Variants in DGKI observed in about 807,000 individuals in gnomAD.
The protein encoded by DGKI is diacylglycerol kinase iota, also known as DAG kinase iota.
A neutral mutation model predicts 147.5 loss-of-function variants in DGKI; 55 were observed. The ratio of observed to expected loss-of-function variants is 0.37; its 90% CI spans 0.30 to 0.47. The LOEUF (loss-of-function observed/expected upper bound fraction) is 0.47, where lower values mean the gene tolerates loss of function less well. Among genes scored for constraint, DGKI ranks in the 20% least tolerant of loss-of-function variants. The probability of loss-of-function intolerance (pLI) is 1.00; values close to 1 mark genes in which losing one functional copy is unlikely to be tolerated. For synonymous variants in DGKI, 469 were observed against 477.1 expected, an observed-to-expected ratio of 0.98 and a Z score of 0.22; for missense variants, 1,007 against 1,323.8, an observed-to-expected ratio of 0.76 and a Z score of 3.71.
chr7:137,408,222 C>T (rs1812033018), intron 29 of DGKI, among the ~76,000 whole-genome samples: 1 of 152,150 alleles, frequency 6.6e-6, no homozygotes, highest in Non-Finnish European at 1.5e-5. Context: ...ATTGAACAGG[C>T]TAGGGAAACT....
rs193140553 is a variant in DGKI at position 137,603,287 on chromosome 7, C to G, written c.1168-3382G>C. Among the ~76,000 whole-genome samples the G allele has an allele frequency of 4.6e-5, 7 of 152,270 alleles. No homozygotes were observed. The East Asian group carries it at 1.3e-3, about 29-fold the overall frequency. On this transcript the variant is annotated intron_variant, in intron 10 of 32. Transcript: ENST00000614521. The stretch of plus-strand genomic sequence containing the variant: ...TCGGTTCAAATAGCTCATCAATCTT[C>G]ATCAAAGCACCATAACTCTAGTGTA...
chr7:137,669,993 C>T (rs1175914680), intron 3 of DGKI, among the ~76,000 whole-genome samples: 1 of 152,114 alleles, frequency 6.6e-6, no homozygotes, highest in Non-Finnish European at 1.5e-5. Flanking sequence ...ATGGGTTCCA[C>T]AATCCTCCCA....
intron 28 of DGKI, among the ~76,000 whole-genome samples, chr7:137,430,812 A>G (rs73459154): frequency 0.015 from 2,316 of 152,220 alleles, 58 homozygotes; most frequent in African/African-American, 0.053. Flanking sequence ...TCCATTTGAT[A>G]ACAGGGACCT....
chr7:137,487,799 T>C (rs1815621082), intron 21 of DGKI, 110 bp from the exon 22 acceptor site: 1 of 929,378 alleles, frequency 1.1e-6, no homozygotes, highest in South Asian at 1.5e-5. Context: ...TTATGGGTTT[T>C]TTAGATATGT....
chr7:137,735,302 C>T (rs971164567), intron 1 of DGKI, among the ~76,000 whole-genome samples: 1 of 152,118 alleles, frequency 6.6e-6, no homozygotes, highest in Non-Finnish European at 1.5e-5. Flanking sequence ...TTTGCTTTTG[C>T]TTTACTAATC....
intron 2 of DGKI, among the ~76,000 whole-genome samples, chr7:137,686,316 G>C (rs1244193380): frequency 1.3e-5 from 2 of 152,130 alleles, no homozygotes; most frequent in African/African-American, 2.4e-5. Flanking sequence ...ACTGGGTAGA[G>C]CCCAGTGTCC....
At chr7:137,719,322 A>G (rs3800638) in intron 1 of DGKI, among the ~76,000 whole-genome samples, 23,486 of 151,906 alleles carry the variant, frequency 0.15, 2,763 homozygotes, top group African/African-American at 0.31. Context: ...TTTTTTAGGA[A>G]TATCTTTTAA....
At chr7:137,755,948 C>T (rs1272653720) in intron 1 of DGKI, among the ~76,000 whole-genome samples, 2 of 152,194 alleles carry the variant, frequency 1.3e-5, no homozygotes, top group Non-Finnish European at 2.9e-5. Flanking sequence ...CCAAGCATGT[C>T]CTTCAGCCTT....
chr7:137,516,308 T>A lies in DGKI; in HGVS notation c.2248+5558A>T, dbSNP rs191868643. 1.6e-3 allele frequency among the ~76,000 whole-genome samples: 248 copies of A among 152,212 alleles called. 1 individual carries two copies. Among genetic ancestry groups the A allele is most frequent in the Non-Finnish European group, 1.2e-3 (84 of 67,970 alleles). On this transcript the variant is annotated intron_variant, in intron 21 of 32. Transcript: ENST00000614521. ...TGTGTAATTTCTATAAAACTAAACA[T>A]TTATTATATTATAATCTGTTCTTAA...
At chr7:137,507,490 TA>T (rs371644465) in intron 21 of DGKI, among the ~76,000 whole-genome samples, 6 of 152,122 alleles carry the variant, frequency 3.9e-5, no homozygotes, top group African/African-American at 1.4e-4. Flanking sequence ...GCAACTCACT[TA>T]AAAAAAATCC....
At chr7:137,446,558 T>A (rs1813723323) in intron 27 of DGKI, among the ~76,000 whole-genome samples, 1 of 152,118 alleles carries the variant, frequency 6.6e-6, no homozygotes, top group African/African-American at 2.4e-5. Context: ...AAACCCCGTC[T>A]CTACTGAAAA....
intron 1 of DGKI, among the ~76,000 whole-genome samples, chr7:137,750,971 C>CAACTA (rs1563180848): frequency 2.0e-5 from 3 of 151,794 alleles, no homozygotes; most frequent in Admixed American, 2.0e-4. Flanking sequence ...TCTCGGCCCC[C>CAACTA]GTCTTTTCAG....
intron 21 of DGKI, among the ~76,000 whole-genome samples, chr7:137,506,747 C>A (rs1160374854): frequency 1.3e-5 from 2 of 152,124 alleles, no homozygotes; most frequent in South Asian, 2.1e-4. Flanking sequence ...GTACTTTCTA[C>A]TTACTTTTTC....
At chr7:137,425,383 C>T (rs563894852) in intron 28 of DGKI, among the ~76,000 whole-genome samples, 3 of 152,200 alleles carry the variant, frequency 2.0e-5, no homozygotes, top group Non-Finnish European at 4.4e-5. Context: ...GACATCCACA[C>T]CAAAAACCCA....
chr7:137,840,398 C>T (rs1798512502), intron 1 of DGKI, among the ~76,000 whole-genome samples: 2 of 152,178 alleles, frequency 1.3e-5, no homozygotes, highest in African/African-American at 4.8e-5. Context: ...TGCTGGGTAG[C>T]CCTTTTTCTG....
intron 23 of DGKI, among the ~76,000 whole-genome samples, chr7:137,478,582 G>T (rs991341572): frequency 1.3e-5 from 2 of 152,222 alleles, no homozygotes; most frequent in Non-Finnish European, 2.9e-5. Flanking sequence ...TTCTCAGAGG[G>T]TCTGGAAGAC....
chr7:137,803,791 C>G (rs1405075658), intron 1 of DGKI, among the ~76,000 whole-genome samples: 1 of 152,174 alleles, frequency 6.6e-6, no homozygotes, highest in South Asian at 2.1e-4. Flanking sequence ...GAGAATTTAA[C>G]AAGCTTTAAA....
intron 3 of DGKI, among the ~76,000 whole-genome samples, chr7:137,662,479 G>A (rs963991539): frequency 3.9e-5 from 6 of 151,980 alleles, no homozygotes; most frequent in Admixed American, 2.6e-4. Flanking sequence ...TCCTGATCTC[G>A]TGATCCACCT....
chr7:137,398,949 G>A (rs1811650258), intron 30 of DGKI, among the ~76,000 whole-genome samples: 1 of 151,546 alleles, frequency 6.6e-6, no homozygotes, highest in South Asian at 2.1e-4. Flanking sequence ...AAACACTGGA[G>A]CTCACAGTCT....
Sources: gnomAD v4.1 joint callset for allele counts (sites outside exome capture counted in the v4.1 genomes callset) on GRCh38, gnomAD v4.1.1 for gene constraint, MANE v1.5 for transcripts, NCBI Gene and HGNC (gene_info 2026-07-23, HGNC 2026-07-21) for gene names.